Variants in PLCE1 observed in about 807,000 individuals in gnomAD.
PLCE1 encodes the protein 1-phosphatidylinositol 4,5-bisphosphate phosphodiesterase epsilon-1.
PLCE1 carries 119 observed loss-of-function variants against 242.8 expected under a neutral mutation model. The observed-to-expected ratio is 0.49, with a 90% confidence interval of 0.42 to 0.57. PLCE1 has a LOEUF of 0.57. Among genes scored for constraint, PLCE1 ranks in the 20% least tolerant of loss-of-function variants. The pLI, the probability that PLCE1 is intolerant of heterozygous loss-of-function variation, is 0.00. For missense variants in PLCE1, 2,441 were observed against 2,788.8 expected (o/e 0.88, Z 2.81); for synonymous variants, 945 against 1,017.4 (o/e 0.93, Z 1.35).
At chr10:94,296,357 C>A (rs2052815409) in intron 23 of PLCE1, among the ~76,000 whole-genome samples, 1 of 140,418 alleles carries the variant, frequency 7.1e-6, no homozygotes, top group South Asian at 2.3e-4. Flanking sequence ...CAGAGCAAGA[C>A]TCCATCTCAA....
chr10:94,065,259 G>A (rs2044166779), intron 2 of PLCE1, among the ~76,000 whole-genome samples: 2 of 150,280 alleles, frequency 1.3e-5, no homozygotes, highest in Admixed American at 1.3e-4. Context: ...TTTGGTCCCA[G>A]ACTCTTGGAT....
intron 2 of PLCE1, among the ~76,000 whole-genome samples, chr10:94,114,888 G>A (rs1169364222): frequency 6.6e-6 from 1 of 151,906 alleles, no homozygotes; most frequent in East Asian, 1.9e-4. Flanking sequence ...ATTTACATTA[G>A]GTGTATCTCC....
intron 1 of PLCE1, among the ~76,000 whole-genome samples, chr10:93,999,151 G>A (rs1463439032): frequency 1.3e-5 from 2 of 152,180 alleles, no homozygotes; most frequent in African/African-American, 4.8e-5. Context: ...TAAAGAGAAA[G>A]CAGTCAGGAG....
chr10:94,312,915 C>T (rs1490544726), intron 27 of PLCE1, among the ~76,000 whole-genome samples: 1 of 152,218 alleles, frequency 6.6e-6, no homozygotes, highest in Non-Finnish European at 1.5e-5. Flanking sequence ...ATCCAAATTT[C>T]TAGCCCAGTA....
At chr10:94,072,700 A>T (rs1006110694) in intron 2 of PLCE1, among the ~76,000 whole-genome samples, 9 of 152,174 alleles carry the variant, frequency 5.9e-5, no homozygotes, top group Admixed American at 3.3e-4. Flanking sequence ...GTTTATTTTC[A>T]AGCATCAATA....
chr10:94,265,657 C>G lies in PLCE1; in HGVS notation c.4064C>G (p.Pro1355Arg). ...TTTAATCCCTTGCAGAAGTTCGAGC[C>G]TAGCATCAGTATGTGTCATCAGGGA... is the stretch of plus-strand genomic sequence containing the variant. ...EILSIIQKFE[P>R]SISMCHQGLM... is the part of the protein sequence containing the mutation. The change falls in exon 15 of 33, where the codon CCT (proline) becomes CGT (arginine). Residue 1355 changes from proline to arginine, a missense_variant. Transcript: ENST00000371380. The G allele has an allele frequency of 6.2e-7, 1 of 1,613,566 alleles. No homozygotes were observed. The highest frequency in any genetic ancestry group is 8.5e-7 in the Non-Finnish European group (1 of 1,179,690).
chr10:94,040,421 A>T (rs914383050), intron 2 of PLCE1, among the ~76,000 whole-genome samples: 1 of 151,116 alleles, frequency 6.6e-6, no homozygotes, highest in Non-Finnish European at 1.5e-5. Context: ...TGGGAATGAG[A>T]TTGTCAGTCC....
chr10:94,005,170 T>A (rs2061009102), intron 1 of PLCE1, among the ~76,000 whole-genome samples: 1 of 152,186 alleles, frequency 6.6e-6, no homozygotes. Flanking sequence ...GGGACTGAGG[T>A]AGCACATTCC....
At chr10:94,235,258 G>C (rs1164725797) in intron 6 of PLCE1, among the ~76,000 whole-genome samples, 3 of 152,102 alleles carry the variant, frequency 2.0e-5, no homozygotes, top group Non-Finnish European at 4.4e-5. Context: ...TGGGTTATGA[G>C]CTAGGATAAA....
chr10:94,085,542 G>A (rs1369150299), intron 2 of PLCE1, among the ~76,000 whole-genome samples: 1 of 152,162 alleles, frequency 6.6e-6, no homozygotes, highest in Non-Finnish European at 1.5e-5. Flanking sequence ...CTGTTAGGAG[G>A]CCAGCTGGGC....
intron 4 of PLCE1, among the ~76,000 whole-genome samples, chr10:94,226,284 G>T (rs912538636): frequency 6.6e-6 from 1 of 152,180 alleles, no homozygotes; most frequent in African/African-American, 2.4e-5. Context: ...GAACATTAGA[G>T]TTTGTGTAAA....
In PLCE1 at chr10:94,298,485, G is replaced by A. The variant is rs575233796; in HGVS notation, c.5274G>A (p.Ser1758=). 32 of 1,613,992 alleles carry A rather than the reference G, an allele frequency of 2.0e-5. No homozygotes were observed. The highest frequency in any genetic ancestry group is 1.6e-4 in the Middle Eastern group (1 of 6,062). Residue 1758 remains serine (S), a synonymous_variant, in exon 24 of 33, where the codon TCG becomes TCA. Transcript: ENST00000371380. The surrounding 1 kb of genome is among the most constrained non-coding windows in gnomAD (Gnocchi z 5.2). ...IIRTPKCYHI[S]SLNENAAKRL... is the part of the protein sequence containing the mutation. ...GAACTCCCAAATGTTATCATATCTC[G>A]TCGCTGAATGAAAATGCCGCCAAAC...
intron 4 of PLCE1, among the ~76,000 whole-genome samples, chr10:94,221,877 C>G (rs1165799590): frequency 6.6e-6 from 1 of 152,208 alleles, no homozygotes; most frequent in African/African-American, 2.4e-5. Flanking sequence ...TCTTTGAAAA[C>G]TTCTGCTTGG....
At chr10:94,251,100 A>C (rs2050858536) in intron 8 of PLCE1, among the ~76,000 whole-genome samples, 1 of 152,204 alleles carries the variant, frequency 6.6e-6, no homozygotes, top group Non-Finnish European at 1.5e-5. Context: ...CTTGATTGAC[A>C]CACCCATCGA....
chr10:94,188,327 A>T (rs115320312), intron 4 of PLCE1, among the ~76,000 whole-genome samples: 1 of 152,212 alleles, frequency 6.6e-6, no homozygotes, highest in African/African-American at 2.4e-5. Context: ...ATTTTTAGCT[A>T]TGGAAACCAA....
At chr10:94,033,565 G>A (rs2061604774) in intron 2 of PLCE1, among the ~76,000 whole-genome samples, 1 of 152,038 alleles carries the variant, frequency 6.6e-6, no homozygotes, top group South Asian at 2.1e-4. Context: ...TGAGATTAAT[G>A]AAAATAATGA....
At chr10:94,097,171 T>A (rs1167432052) in intron 2 of PLCE1, among the ~76,000 whole-genome samples, 7 of 152,068 alleles carry the variant, frequency 4.6e-5, no homozygotes, top group Non-Finnish European at 1.0e-4. Context: ...TAAATAGAGG[T>A]TTGTTTACAC....
chr10:94,134,580 C>A (rs936759723), intron 3 of PLCE1, among the ~76,000 whole-genome samples: 1 of 152,156 alleles, frequency 6.6e-6, no homozygotes, highest in African/African-American at 2.4e-5. Flanking sequence ...TTTTACATGA[C>A]AAATGTATAC....
chr10:94,067,035 T>C (rs2044214695), intron 2 of PLCE1, among the ~76,000 whole-genome samples: 1 of 152,236 alleles, frequency 6.6e-6, no homozygotes, highest in South Asian at 2.1e-4. Context: ...TTGCTTTCTT[T>C]GTTCACCCTT....
Sources: gnomAD v4.1 joint callset for allele counts (sites outside exome capture counted in the v4.1 genomes callset) on GRCh38, gnomAD v4.1.1 for gene constraint, Gnocchi (gnomAD v3.1) non-coding constraint, MANE v1.5 for transcripts, NCBI Gene and HGNC (gene_info 2026-07-23, HGNC 2026-07-21) for gene names.